Variants in UBE3A observed in about 807,000 individuals in gnomAD.
UBE3A encodes the protein ubiquitin-protein ligase E3A.
Under a neutral mutation model 83.4 loss-of-function variants are expected in UBE3A, and 6 were observed. The ratio of observed to expected loss-of-function variants is 0.07; its 90% CI spans 0.04 to 0.14. UBE3A has a LOEUF of 0.14. Among genes scored for constraint, UBE3A ranks in the 10% least tolerant of loss-of-function variants. UBE3A has a pLI of 1.00. For synonymous variants in UBE3A, 337 were observed against 355.4 expected (o/e 0.95, Z 0.58); for missense variants, 456 against 1,036.1 (o/e 0.44, Z 7.69).
At chr15:25,388,161 A>G (rs1487807017) in intron 4 of UBE3A, among the ~76,000 whole-genome samples, 1 of 152,186 alleles carries the variant, frequency 6.6e-6, no homozygotes, top group African/African-American at 2.4e-5. Flanking sequence ...CATTATCAGA[A>G]AAGAAAACTA....
chr15:25,430,147 TA>T (rs1381664902), intron 1 of UBE3A, among the ~76,000 whole-genome samples: 1 of 49,496 alleles, frequency 2.0e-5, no homozygotes, highest in East Asian at 8.5e-4. Context: ...ATTATATATA[TA>T]ATACATATAT....
At chr15:25,403,425 A>C (rs1482557349) in intron 4 of UBE3A, among the ~76,000 whole-genome samples, 1 of 152,116 alleles carries the variant, frequency 6.6e-6, no homozygotes, top group Non-Finnish European at 1.5e-5. Flanking sequence ...TACAATGACT[A>C]CTATTGAAGT....
intron 1 of UBE3A, chr15:25,420,736 A>T (rs1372144932): frequency 6.6e-6 from 1 of 152,216 alleles, no homozygotes; most frequent in Non-Finnish European, 1.5e-5. Flanking sequence ...TCACTGTGGA[A>T]AACAGTATGG....
intron 4 of UBE3A, among the ~76,000 whole-genome samples, chr15:25,391,356 A>G (rs1226855334): frequency 6.6e-6 from 1 of 152,234 alleles, no homozygotes; most frequent in Non-Finnish European, 1.5e-5. Flanking sequence ...GGGGAAAAGA[A>G]GAGTTGTTCA....
intron 11 of UBE3A, among the ~76,000 whole-genome samples, chr15:25,343,623 G>A (rs971933496): frequency 1.2e-4 from 18 of 151,888 alleles, no homozygotes; most frequent in African/African-American, 4.1e-4. Flanking sequence ...GCATAATAAC[G>A]AAAAAGATTA....
rs150991995 is a variant in UBE3A at position 25,340,705 on chromosome 15, A to AT, written c.2355-478dup. ...ACTTTGGGAGGAAAAAGTGATACAG[A>AT]TTAAGGACAAAAGAAAAAAAGACCC... On this transcript the variant is annotated intron_variant, in intron 11 of 12. Coordinates refer to ENST00000648336, the MANE Select transcript of UBE3A (RefSeq NM_130839.5). Among the ~76,000 whole-genome samples, 105 of 151,238 alleles carry AT rather than the reference A, an allele frequency of 6.9e-4. 1 individual carries two copies. In the East Asian group the frequency reaches 0.02, roughly 29 times the overall value.
chr15:25,375,903 T>A (rs1228885438), intron 4 of UBE3A, 140 bp from the exon 5 acceptor site: 19 of 892,304 alleles, frequency 2.1e-5, no homozygotes, highest in Non-Finnish European at 2.0e-5. Flanking sequence ...AAAATGGAGA[T>A]GCACTATTTA....
In UBE3A at chr15:25,340,126, T is replaced by C. The variant is rs757540819; in HGVS notation, c.2457A>G (p.Lys819=). 2 of 1,614,068 alleles carry C rather than the reference T, an allele frequency of 1.2e-6. No individual in the cohort carries two copies. ...TDRAPVGGLG[K]LKMIIAKNGP... is the part of the protein sequence containing the mutation. ...CATTTTTGGCTATAATCATCTTTAA[T>C]TTTCCTAGTCCTCCCACAGGTGCTC... Residue 819 remains lysine, a synonymous_variant, in exon 12 of 13, where the codon AAA becomes AAG. Coordinates refer to ENST00000648336, the MANE Select transcript of UBE3A (RefSeq NM_130839.5).
chr15:25,374,166 A>G (rs1470945847), intron 5 of UBE3A: 1 of 152,286 alleles, frequency 6.6e-6, no homozygotes, highest in Non-Finnish European at 1.5e-5. Context: ...CGAACAGGGA[A>G]CAGTAACAGT....
In UBE3A at chr15:25,405,480, C is replaced by T. The variant is rs755226524; in HGVS notation, c.43G>A (p.Asp15Asn). The change falls in exon 4 of 13, where the codon GAC becomes AAC. Residue 15 changes from aspartate (D) to asparagine (N), a missense_variant. By Grantham distance (23) the Asp-to-Asn change is conservative. This residue lies in a region of UBE3A where 23 missense variants were observed against 18.6 expected (regional missense o/e 1.24). Coordinates refer to ENST00000648336, the MANE Select transcript of UBE3A (RefSeq NM_130839.5). The part of the protein sequence containing the change: ...CKRSGEPQSD[D>N]IEASRMKRAA... ...ACTTACATTCGGCTAGCTTCAATGT[C>T]GTCAGACTGAGGTTCTCCTGATCTG... 5.7e-5 allele frequency: 92 copies of T among 1,613,670 alleles called. No homozygotes were observed. Among genetic ancestry groups the T allele is most frequent in the Non-Finnish European group, 7.5e-5 (89 of 1,179,858 alleles).
chr15:25,411,622 C>A (rs1357681622), intron 2 of UBE3A, among the ~76,000 whole-genome samples: 1 of 152,264 alleles, frequency 6.6e-6, no homozygotes. Flanking sequence ...GCAGCAACAA[C>A]AACAACAAAT....
At chr15:25,360,750 G>A (rs182421166) in intron 6 of UBE3A, among the ~76,000 whole-genome samples, 2 of 152,202 alleles carry the variant, frequency 1.3e-5, no homozygotes, top group African/African-American at 4.8e-5. Context: ...ATAGTAAAAA[G>A]CTAACTTTAC....
At position 25,338,868 on chromosome 15, in the gene UBE3A, T is replaced by C. The variant is rs1595357715; in HGVS notation, c.*269A>G. On this transcript the variant is annotated 3_prime_UTR_variant, in exon 13 of 13. Transcript: ENST00000648336. Reference sequence around the variant, plus strand: ...CTCTGTACATACAAGTGAAAGAATATGTAACACTTTCACGCAAAAAAATAA... The same window carrying C: ...CTCTGTACATACAAGTGAAAGAATACGTAACACTTTCACGCAAAAAAATAA... The C allele has an allele frequency of 1.1e-5, 2 of 184,858 alleles. No individual in the cohort carries two copies. Among genetic ancestry groups the C allele is most frequent in the Non-Finnish European group, 2.2e-5 (2 of 90,306 alleles). The allele number at this position is 184,858 out of a possible 1,614,324, so 11.5% of individuals were successfully genotyped here.
rs566009493 is a variant in UBE3A at position 25,369,204 on chromosome 15, T to C, written c.1608+1362A>G. Among the ~76,000 whole-genome samples, 4 of 152,224 alleles carry C rather than the reference T, an allele frequency of 2.6e-5. No individual in the cohort carries two copies. The East Asian group carries it at 7.7e-4, about 29-fold the overall frequency. The stretch of plus-strand genomic sequence containing the variant: ...TAATTATTCATGTGTCTCAAAACTA[T>C]GTAAGTGAAATAAAAAGGGTACCAG... On this transcript the variant is annotated intron_variant, in intron 6 of 12. Transcript: ENST00000648336.
At position 25,391,171 on chromosome 15, in the gene UBE3A, A is replaced by G. The variant is rs569362019; in HGVS notation, c.62+14290T>C. Among the ~76,000 whole-genome samples the G allele has an allele frequency of 1.5e-4, 23 of 152,310 alleles. No homozygotes were observed. In the South Asian group the frequency reaches 4.8e-3, roughly 32 times the overall value. Reference sequence around the variant, plus strand: ...AAAATGTTATTCAGCCTAAAAGAAAAGAAAGAAATTCTGTAATATGCTACA... The same window carrying G: ...AAAATGTTATTCAGCCTAAAAGAAAGGAAAGAAATTCTGTAATATGCTACA... On this transcript the variant is annotated intron_variant, in intron 4 of 12. Coordinates refer to ENST00000648336, the MANE Select transcript of UBE3A (RefSeq NM_130839.5).
At chr15:25,403,129 G>A (rs1249210052) in intron 4 of UBE3A, among the ~76,000 whole-genome samples, 1 of 152,132 alleles carries the variant, frequency 6.6e-6, no homozygotes, top group Non-Finnish European at 1.5e-5. Context: ...GGCTATTGGA[G>A]AAAAGTCTTT....
chr15:25,398,167 C>CAAAAAAAAAAAAA (rs71127052), intron 4 of UBE3A, among the ~76,000 whole-genome samples: 5 of 99,168 alleles, frequency 5.0e-5, no homozygotes, highest in African/African-American at 2.2e-4. Context: ...GACTCTGTCT[C>CAAAAAAAAAAAAA]AAAAAAAAAA....
intron 5 of UBE3A, among the ~76,000 whole-genome samples, chr15:25,372,194 A>T (rs1228984004): frequency 6.6e-6 from 1 of 152,212 alleles, no homozygotes; most frequent in Non-Finnish European, 1.5e-5. Context: ...CTCACTGTAG[A>T]ACACACAGAA....
chr15:25,416,426 T>C (rs1230121024), intron 1 of UBE3A, among the ~76,000 whole-genome samples: 1 of 152,146 alleles, frequency 6.6e-6, no homozygotes, highest in Non-Finnish European at 1.5e-5. Flanking sequence ...TAAATGTGCT[T>C]GATTCTAGTT....
Sources: allele counts gnomAD v4.1 joint callset (sites outside exome capture counted in the v4.1 genomes callset), GRCh38; gene constraint gnomAD v4.1.1; regional missense constraint gnomAD v4.1.1; transcripts MANE v1.5; gene names NCBI Gene and HGNC (gene_info 2026-07-23, HGNC 2026-07-21).